The following EXT2 variants were observed in gnomAD, a reference collection of about 807,000 sequenced individuals.
EXT2 encodes the protein exostosin-2.
A neutral mutation model predicts 81.6 loss-of-function variants in EXT2; 53 were observed. The observed-to-expected ratio is 0.65, with a 90% CI of 0.52 to 0.82. The LOEUF is 0.82. EXT2 is among the 40% of genes least tolerant of loss of function. The pLI is 0.00. For synonymous variants in EXT2, 320 were observed against 340.0 expected, an observed-to-expected ratio of 0.94 and a Z score of 0.65; for missense variants, 774 against 910.2, an observed-to-expected ratio of 0.85 and a Z score of 1.93.
chr11:44,234,262 CA>C lies in EXT2; in HGVS notation c.1935+20del. On this transcript the variant is annotated intron_variant, in intron 12 of 13. Coordinates refer to ENST00000533608, the MANE Select transcript of EXT2 (RefSeq NM_207122.2). The stretch of plus-strand genomic sequence containing the variant: ...TATCAAGGTAGGAGGCTCTGCCACT[CA>C]CTTGCTTTGTGATCTTGGGCAAATA... The C allele has an allele frequency of 6.2e-7, 1 of 1,612,282 alleles. No individual in the cohort carries two copies.
At chr11:44,209,463 C>A (rs1392516508) in intron 10 of EXT2, among the ~76,000 whole-genome samples, 1 of 152,174 alleles carries the variant, frequency 6.6e-6, no homozygotes, top group African/African-American at 2.4e-5. Context: ...TCAGAAGGAA[C>A]ATTTCTATCT....
intron 10 of EXT2, among the ~76,000 whole-genome samples, 162 bp downstream of exon 10, chr11:44,207,121 T>A (rs1173864103): frequency 6.6e-6 from 1 of 152,242 alleles, no homozygotes; most frequent in Non-Finnish European, 1.5e-5. Context: ...GTTATGAAGC[T>A]GTTCTTTGAA....
At chr11:44,172,107 T>C (rs983367152) in intron 8 of EXT2, among the ~76,000 whole-genome samples, 3 of 152,226 alleles carry the variant, frequency 2.0e-5, no homozygotes, top group Non-Finnish European at 2.9e-5. Context: ...AGCTTGTATT[T>C]TGAGTGCTTA....
intron 4 of EXT2, among the ~76,000 whole-genome samples, chr11:44,118,307 T>G (rs1954251176): frequency 6.6e-6 from 1 of 152,168 alleles, no homozygotes; most frequent in African/African-American, 2.4e-5. Context: ...ATGTTTTCTA[T>G]TTGAAACATT....
chr11:44,216,172 G>A (rs1238411058), intron 10 of EXT2, among the ~76,000 whole-genome samples: 1 of 152,128 alleles, frequency 6.6e-6, no homozygotes, highest in Non-Finnish European at 1.5e-5. Flanking sequence ...CACCGCGCCC[G>A]GCCCCATTTG....
At chr11:44,169,080 C>T (rs1041777471) in intron 7 of EXT2, among the ~76,000 whole-genome samples, 9 of 151,776 alleles carry the variant, frequency 5.9e-5, no homozygotes, top group Admixed American at 5.9e-4. Flanking sequence ...ATTAGCCAGG[C>T]GTGGTGGTGC....
At chr11:44,167,326 T>C (rs1955008534) in intron 7 of EXT2, among the ~76,000 whole-genome samples, 1 of 152,054 alleles carries the variant, frequency 6.6e-6, no homozygotes, top group African/African-American at 2.4e-5. Flanking sequence ...AAAGCAGCAG[T>C]TGGGAATGTA....
intron 7 of EXT2, among the ~76,000 whole-genome samples, chr11:44,147,537 G>T (rs918804443): frequency 5.3e-5 from 8 of 151,790 alleles, no homozygotes; most frequent in African/African-American, 1.9e-4. Flanking sequence ...AATGGGCTAG[G>T]CCTGGGCAGG....
At chr11:44,124,208 A>G (rs1252263762) in intron 4 of EXT2, among the ~76,000 whole-genome samples, 1 of 152,064 alleles carries the variant, frequency 6.6e-6, no homozygotes, top group Admixed American at 6.5e-5. Flanking sequence ...CCTCCCATTT[A>G]TGTGGCCTTG....
At chr11:44,174,915 A>G (rs1955137321) in intron 8 of EXT2, among the ~76,000 whole-genome samples, 1 of 152,218 alleles carries the variant, frequency 6.6e-6, no homozygotes, top group African/African-American at 2.4e-5. Context: ...GTGTGGCAAC[A>G]GTGAAGGAAG....
intron 7 of EXT2, among the ~76,000 whole-genome samples, chr11:44,139,642 C>A (rs1954617767): frequency 6.6e-6 from 1 of 152,148 alleles, no homozygotes; most frequent in South Asian, 2.1e-4. Flanking sequence ...TATTGGAAAT[C>A]CCGCTGGAAA....
intron 10 of EXT2, among the ~76,000 whole-genome samples, chr11:44,218,793 C>CTTTTTTTTTTTTTTTTTTTTTTTTTTTTT (rs11368525): frequency 2.2e-5 from 2 of 92,300 alleles, no homozygotes; most frequent in African/African-American, 4.4e-5. Context: ...ATCTGCAATT[C>CTTTTTTTTTTTTTTTTTTTTTTTTTTTTT]TTTTTTTTTT....
intron 1 of EXT2, chr11:44,096,169 C>A: frequency 7.5e-7 from 1 of 1,324,750 alleles, no homozygotes; most frequent in Non-Finnish European, 1.0e-6. Context: ...CCTCCTGCGA[C>A]CCGCCCTCCG....
intron 6 of EXT2, among the ~76,000 whole-genome samples, chr11:44,128,480 G>C (rs929452856): frequency 6.6e-6 from 1 of 152,134 alleles, no homozygotes; most frequent in African/African-American, 2.4e-5. Flanking sequence ...TACAATCAAG[G>C]CCAAACCTTT....
chr11:44,199,949 G>A (rs1340978614), intron 9 of EXT2, among the ~76,000 whole-genome samples: 1 of 152,142 alleles, frequency 6.6e-6, no homozygotes, highest in Non-Finnish European at 1.5e-5. Flanking sequence ...GACATGTGTA[G>A]TGACTGGACT....
intron 7 of EXT2, among the ~76,000 whole-genome samples, chr11:44,155,779 A>C (rs1954848526): frequency 6.6e-6 from 1 of 152,142 alleles, no homozygotes; most frequent in Non-Finnish European, 1.5e-5. Flanking sequence ...ACACACCATA[A>C]TTACAGTGTT....
rs1484331430 is a variant in EXT2, at chr11:44,144,049, G to C, written c.1173+13911G>C. ...AGGAGCAGGTCTTTCAAGTGTGCCT[G>C]GTTGGAGTGAGGCTTGTTTTAGATT... On this transcript the variant is annotated intron_variant, in intron 7 of 13. Transcript: ENST00000533608. Among the ~76,000 whole-genome samples the C allele has an allele frequency of 2.6e-5, 4 of 152,314 alleles. No homozygotes were observed. The East Asian group carries it at 5.8e-4, about 22-fold the overall frequency.
intron 7 of EXT2, among the ~76,000 whole-genome samples, chr11:44,134,092 G>A (rs1251438809): frequency 6.6e-6 from 1 of 152,210 alleles, no homozygotes; most frequent in Non-Finnish European, 1.5e-5. Context: ...AGTGAGCAGT[G>A]CTGCCACACG....
chr11:44,162,601 T>C (rs1376942981), intron 7 of EXT2, among the ~76,000 whole-genome samples: 4 of 147,430 alleles, frequency 2.7e-5, no homozygotes, highest in African/African-American at 9.9e-5. Context: ...AAAAAAGCAG[T>C]TACCACTTTG....
Sources: gnomAD v4.1 joint callset for allele counts (sites outside exome capture counted in the v4.1 genomes callset) on GRCh38, gnomAD v4.1.1 for gene constraint, MANE v1.5 for transcripts, NCBI Gene and HGNC (gene_info 2026-07-23, HGNC 2026-07-21) for gene names.